Variants in APOB observed in about 807,000 individuals in gnomAD.
APOB encodes the protein apolipoprotein B-100.
Under a neutral mutation model 314.1 loss-of-function variants are expected in APOB, and 153 were observed. The ratio of observed to expected loss-of-function variants is 0.49; its 90% CI spans 0.43 to 0.56. APOB has a LOEUF of 0.56. APOB is among the 20% of genes least tolerant of loss of function. The pLI is 0.00. For missense variants in APOB, 5,430 were observed against 5,350.7 expected, an observed-to-expected ratio of 1.01 and a Z score of -0.46; for synonymous variants, 2,087 against 2,036.4, an observed-to-expected ratio of 1.02 and a Z score of -0.67.
rs584542 is a variant in APOB, at chr2:21,009,931, T to C, written c.6937A>G (p.Ile2313Val). The part of the protein sequence containing the change: ...TTISFERIND[I>V]LEHVKHFVIN... ...ACAAAGTGTTTGACATGCTCAAGAA[T>C]GTCATTTATTCTTTCAAATGAAATT... Residue 2313 changes from isoleucine to valine, a missense_variant, in exon 26 of 29, where the codon ATT (isoleucine) becomes GTT (valine). This residue lies in a region of APOB where 3,281 missense variants were observed against 3,171.0 expected (regional missense o/e 1.03). Transcript: ENST00000233242. The C allele has an allele frequency of 1, 1,608,813 of 1,613,922 alleles. 801,973 individuals carry two copies. Among genetic ancestry groups the C allele is most frequent in the Non-Finnish European group, 1 (1,179,480 of 1,179,876 alleles).
chr2:21,013,639 C>T (rs1663392486), intron 24 of APOB, 106 bp from the exon 25 acceptor site: 2 of 1,504,126 alleles, frequency 1.3e-6, no homozygotes, highest in African/African-American at 1.4e-5. Flanking sequence ...ATTCCCAAAG[C>T]CACTCTGCAC....
In APOB at chr2:21,006,020, A is replaced by G; in HGVS notation, c.10848T>C (p.Leu3616=). Residue 3616 remains leucine, a synonymous_variant, in exon 26 of 29, where the codon CTT becomes CTC. Coordinates refer to ENST00000233242, the MANE Select transcript of APOB (RefSeq NM_000384.3). ...QPSSFHDFPD[L]GQEVALNANT... is the part of the protein sequence containing the mutation. ...TAGCATTCAGGGCCACTTCCTGGCC[A>G]AGGTCAGGGAAATCATGGAAGGAAC... 1 of 1,613,892 alleles carries G rather than the reference A, an allele frequency of 6.2e-7. No homozygotes were observed. The highest frequency in any genetic ancestry group is 8.5e-7 in the Non-Finnish European group (1 of 1,179,822).
intron 19 of APOB, among the ~76,000 whole-genome samples, chr2:21,019,348 G>GT (rs924706846): frequency 2.7e-4 from 41 of 152,222 alleles, no homozygotes; most frequent in African/African-American, 9.6e-4. Flanking sequence ...TTGGCTGGTT[G>GT]TTTCAGCAAA....
chr2:21,028,211 A>G, intron 13 of APOB, 116 bp downstream of exon 13: 4 of 1,156,710 alleles, frequency 3.5e-6, no homozygotes, highest in Non-Finnish European at 5.2e-6. Flanking sequence ...TCTGCTACAC[A>G]TTTGCACAAG....
chr2:21,003,103 T>G lies in APOB; in HGVS notation c.12319A>C (p.Asn4107His). 8 of 1,597,992 alleles carry G rather than the reference T, an allele frequency of 5.0e-6. No individual in the cohort carries two copies. The highest frequency in any genetic ancestry group is 6.8e-6 in the Non-Finnish European group (8 of 1,170,888). The change falls in exon 29 of 29, where the codon AAT (asparagine) becomes CAT (histidine). Residue 4107 changes from asparagine (N) to histidine (H), a missense_variant. By Grantham distance (68) the Asn-to-His change is moderately conservative. Transcript: ENST00000233242. ...LREVSSKLRR[N>H]LQNNAEWVYQ... is the part of the protein sequence containing the mutation. ...ACCCACTCAGCATTGTTCTGCAGAT[T>G]TCTTCTCAGCTTTGAAGACACTTCT...
intron 10 of APOB, among the ~76,000 whole-genome samples, chr2:21,031,367 C>G (rs187806332): frequency 1.3e-5 from 2 of 152,112 alleles, no homozygotes; most frequent in Non-Finnish European, 2.9e-5. Flanking sequence ...ACAAATATTG[C>G]GTGTTGTCAT....
At chr2:21,026,026 CGTAATA>C (rs1558571329) in intron 15 of APOB, among the ~76,000 whole-genome samples, 2 of 152,264 alleles carry the variant, frequency 1.3e-5, no homozygotes, top group Non-Finnish European at 2.9e-5. Flanking sequence ...ATTTAGAACT[CGTAATA>C]GTGTCTGCTT....
At position 21,037,188 on chromosome 2, in the gene APOB, T is replaced by C; in HGVS notation, c.605A>G (p.Glu202Gly). The C allele has an allele frequency of 6.2e-7, 1 of 1,614,210 alleles. No individual in the cohort carries two copies. The highest frequency in any genetic ancestry group is 8.5e-7 in the Non-Finnish European group (1 of 1,180,040). ...VKTRKGNVAT[E>G]ISTERDLGQC... is the part of the protein sequence containing the mutation. ...CCCCAGGTCTCTTTCAGTGGATATT[T>C]CTGTTGCCACATTGCCCTTCCTCGT... Residue 202 changes from glutamate to glycine, a missense_variant, in exon 6 of 29, where the codon GAA becomes GGA. By Grantham distance (98) the Glu-to-Gly change is moderately conservative. This residue lies in a region of APOB where 2,085 missense variants were observed against 2,079.7 expected (regional missense o/e 1.00). Transcript: ENST00000233242.
chr2:21,008,535 C>T lies in APOB; in HGVS notation c.8333G>A (p.Gly2778Glu), dbSNP rs1572781033. ...TTCGTTTGCTGAGGTGGTTCCATTC[C>T]CTATGTCAGCATTTGCATCTAATGT... ...LFTLDANADI[G>E]NGTTSANEAG... Residue 2778 changes from glycine to glutamate, a missense_variant, in exon 26 of 29, where the codon GGG (glycine) becomes GAG (glutamate). Physicochemically the swap from Gly to Glu is moderately conservative, Grantham distance 98. Transcript: ENST00000233242. 6.2e-7 allele frequency: 1 copy of T among 1,613,978 alleles called. No homozygotes were observed. Among genetic ancestry groups the T allele is most frequent in the Non-Finnish European group, 8.5e-7 (1 of 1,179,976 alleles).
At chr2:21,036,676 C>T (rs970026901) in intron 6 of APOB, among the ~76,000 whole-genome samples, 8 of 152,144 alleles carry the variant, frequency 5.3e-5, no homozygotes, top group Admixed American at 1.3e-4. Flanking sequence ...GGGGAGAACA[C>T]AGGTCTTGGG....
intron 16 of APOB, chr2:21,024,027 G>A: frequency 5.3e-6 from 1 of 190,072 alleles, no homozygotes; most frequent in Non-Finnish European, 1.1e-5. Context: ...GAGTCTGACT[G>A]TAAGTGAAGG....
chr2:21,016,147 G>A (rs1663457673), intron 21 of APOB, among the ~76,000 whole-genome samples: 1 of 152,132 alleles, frequency 6.6e-6, no homozygotes, highest in African/African-American at 2.4e-5. Flanking sequence ...AATTAGCTGG[G>A]TGTGGTGGCA....
rs777341219 is a variant in APOB, at chr2:21,012,234, G to A, written c.4634C>T (p.Thr1545Ile). The A allele has an allele frequency of 9.3e-6, 15 of 1,610,698 alleles. No homozygotes were observed. Among genetic ancestry groups the A allele is most frequent in the Non-Finnish European group, 1.3e-5 (15 of 1,177,402 alleles). The change falls in exon 26 of 29, where the codon ACC becomes ATC. Residue 1545 changes from threonine to isoleucine, a missense_variant. Physicochemically the swap from Thr to Ile is moderately conservative, Grantham distance 89. This residue lies in a region of APOB where 2,085 missense variants were observed against 2,079.7 expected (regional missense o/e 1.00). Coordinates refer to ENST00000233242, the MANE Select transcript of APOB (RefSeq NM_000384.3). The stretch of plus-strand genomic sequence containing the variant: ...GCCACTTTGCAGATCAGAGGTGGAG[G>A]TGAGGGAGAGGGTTCCATCTTCATA... ...GRYEDGTLSL[T>I]STSDLQSGII... is the part of the protein sequence containing the mutation.
intron 26 of APOB, 48 bp from the exon 27 acceptor site, chr2:21,004,723 G>C (rs746943227): frequency 7.1e-7 from 1 of 1,399,810 alleles, no homozygotes; most frequent in Admixed American, 1.7e-5. Context: ...ACAGTAGGAC[G>C]TTGATGTTTT....
At chr2:21,033,136 C>T (rs1240093339) in intron 9 of APOB, among the ~76,000 whole-genome samples, 163 bp downstream of exon 9, 1 of 152,212 alleles carries the variant, frequency 6.6e-6, no homozygotes, top group Non-Finnish European at 1.5e-5. Flanking sequence ...GAACTCAGCG[C>T]AGCAGCTGAT....
rs72654418 is a variant in APOB at position 21,004,599 on chromosome 2, A to G, written c.11865T>C (p.Ser3955=). 2 of 1,614,022 alleles carry G rather than the reference A, an allele frequency of 1.2e-6. No individual in the cohort carries two copies. The change falls in exon 27 of 29, where the codon AGT becomes AGC. Residue 3955 remains serine (S), a synonymous_variant. Transcript: ENST00000233242. ...TKGTFAHRDF[S]AEYEEDGKYE... is the part of the protein sequence containing the mutation. Reference sequence around the variant, plus strand: ...ATTTGCCATCTTCTTCATATTCTGCACTGAAGTCACGGTGTGCAAATGTTC... The same window carrying G: ...ATTTGCCATCTTCTTCATATTCTGCGCTGAAGTCACGGTGTGCAAATGTTC...
chr2:21,005,459 T>C lies in APOB; in HGVS notation c.11409A>G (p.Pro3803=). ...EVDVLTKYSQ[P]EDSLIPFFEI... ...CAAAAAAGGGAATCAAGGAGTCTTC[T>C]GGTTGAGAATATTTTGTTAACACAT... The change falls in exon 26 of 29, where the codon CCA becomes CCG. Residue 3803 remains proline (P), a synonymous_variant. Transcript: ENST00000233242. 2 of 1,614,128 alleles carry C rather than the reference T, an allele frequency of 1.2e-6. No homozygotes were observed. Among genetic ancestry groups the C allele is most frequent in the Non-Finnish European group, 1.7e-6 (2 of 1,179,972 alleles).
Position 21,011,049 on chromosome 2 carries a change from A to G in APOB, c.5819T>C (p.Phe1940Ser). The G allele has an allele frequency of 6.2e-7, 1 of 1,614,194 alleles. No homozygotes were observed. Among genetic ancestry groups the G allele is most frequent in the Non-Finnish European group, 8.5e-7 (1 of 1,180,024 alleles). The change falls in exon 26 of 29, where the codon TTT (phenylalanine) becomes TCT (serine). Residue 1940 changes from phenylalanine to serine, a missense_variant. Around this residue, in one of 3 missense-constraint regions of APOB, gnomAD observed 3,281 missense variants for 3,171.0 expected, o/e 1.03. Coordinates refer to ENST00000233242, the MANE Select transcript of APOB (RefSeq NM_000384.3). Reference sequence around the variant, plus strand: ...GCCTTTGTAATCATGAGAGAAAGTAAATGCCAGAGGTTCTGCTTTCAACAG... The same window carrying G: ...GCCTTTGTAATCATGAGAGAAAGTAGATGCCAGAGGTTCTGCTTTCAACAG... Reference protein sequence around the residue: ...KFLLKAEPLAFTFSHDYKGST... With the variant: ...KFLLKAEPLASTFSHDYKGST...
At position 21,007,745 on chromosome 2, in the gene APOB, G is replaced by A; in HGVS notation, c.9123C>T (p.Ala3041=). The part of the protein sequence containing the change: ...GTLKNSLFFS[A]QPFEITASTN... ...TGGATGCCGTGATCTCAAATGGCTGGGCTGAAAAGAAAAGAGAATTTTTCA... is the reference window on the plus strand; with the variant it reads ...TGGATGCCGTGATCTCAAATGGCTGAGCTGAAAAGAAAAGAGAATTTTTCA... Residue 3041 remains alanine, a synonymous_variant, in exon 26 of 29, where the codon GCC becomes GCT. Coordinates refer to ENST00000233242, the MANE Select transcript of APOB (RefSeq NM_000384.3). 6.2e-7 allele frequency: 1 copy of A among 1,613,962 alleles called. No homozygotes were observed. The highest frequency in any genetic ancestry group is 1.7e-5 in the Admixed American group (1 of 59,988).
Sources: allele counts gnomAD v4.1 joint callset (sites outside exome capture counted in the v4.1 genomes callset), GRCh38; gene constraint gnomAD v4.1.1; regional missense constraint gnomAD v4.1.1; transcripts MANE v1.5; gene names NCBI Gene and HGNC (gene_info 2026-07-23, HGNC 2026-07-21).